MBP: variants seen among roughly 807,000 people sequenced by gnomAD.
MBP encodes the protein myelin basic protein.
MBP carries 16 observed loss-of-function variants against 35.8 expected under a neutral mutation model. The observed-to-expected ratio is 0.45, with a 90% CI of 0.30 to 0.68. The LOEUF is 0.68. Ranked by LOEUF, MBP falls within the 30% of genes least tolerant of loss-of-function variation. The pLI is 0.08. For missense variants in MBP, 380 were observed against 404.7 expected, an observed-to-expected ratio of 0.94 and a Z score of 0.52; for synonymous variants, 143 against 159.6, an observed-to-expected ratio of 0.90 and a Z score of 0.78.
chr18:77,072,103 C>T (rs1974477232), intron 2 of MBP, among the ~76,000 whole-genome samples: 1 of 152,130 alleles, frequency 6.6e-6, no homozygotes, highest in Non-Finnish European at 1.5e-5. Context: ...ACCTACATGC[C>T]AGCTGCTTGG....
intron 3 of MBP, among the ~76,000 whole-genome samples, chr18:77,045,227 A>C (rs1165100613): frequency 6.6e-6 from 1 of 152,228 alleles, no homozygotes; most frequent in Non-Finnish European, 1.5e-5. Context: ...TCTGATCACC[A>C]TGTAAATGTT....
At chr18:77,066,126 G>T in intron 3 of MBP, 172 bp downstream of exon 3, 1 of 616,656 alleles carries the variant, frequency 1.6e-6, no homozygotes, top group Non-Finnish European at 2.9e-6. Flanking sequence ...ACCCCATGAA[G>T]TGTGCGATTA....
intron 3 of MBP, 153 bp from the exon 4 acceptor site, chr18:77,017,421 A>G (rs759733255): frequency 6.5e-5 from 36 of 553,518 alleles, no homozygotes; most frequent in East Asian, 1.6e-4. Flanking sequence ...GATGGAGCTA[A>G]CCTGGATGGA....
At chr18:77,122,636 G>A (rs570223413) in intron 1 of MBP, among the ~76,000 whole-genome samples, 8 of 152,264 alleles carry the variant, frequency 5.3e-5, no homozygotes, top group Admixed American at 3.9e-4. Flanking sequence ...TCCGCCTCCC[G>A]GGTTCAAGCA....
At chr18:77,016,477 A>G (rs1236697842) in intron 4 of MBP, 4 of 1,107,546 alleles carry the variant, frequency 3.6e-6, no homozygotes, top group African/African-American at 1.6e-5. Context: ...AGGCAACATC[A>G]GTCATCAAGT....
intron 2 of MBP, among the ~76,000 whole-genome samples, chr18:77,103,633 G>GC (rs1246904365): frequency 6.6e-6 from 1 of 152,120 alleles, no homozygotes; most frequent in African/African-American, 2.4e-5. Context: ...AGCAAGGGCC[G>GC]CCCCCATACA....
chr18:77,001,000 A>T (rs539062557), intron 4 of MBP, among the ~76,000 whole-genome samples: 1 of 152,346 alleles, frequency 6.6e-6, no homozygotes, highest in African/African-American at 2.4e-5. Flanking sequence ...AAAAGAGTTC[A>T]AGCTCTTAGT....
chr18:77,115,453 T>C (rs1789091), intron 1 of MBP: 93,806 of 151,866 alleles, frequency 0.62, 29,643 homozygotes, highest in South Asian at 0.75. Flanking sequence ...AGGTTCCTAT[T>C]ACGGAGTCCA....
At chr18:77,021,772 C>A (rs770257457) in intron 3 of MBP, among the ~76,000 whole-genome samples, 2 of 152,154 alleles carry the variant, frequency 1.3e-5, no homozygotes, top group Non-Finnish European at 2.9e-5. Context: ...TGTGAGCCAC[C>A]GTGCCCAGCC....
At position 77,004,361 on chromosome 18, in the gene MBP, A is replaced by T. The variant is rs1469821245; in HGVS notation, c.576+12471T>A. The T allele has an allele frequency of 2.0e-5, 3 of 151,714 alleles. No homozygotes were observed. The South Asian group carries it at 6.3e-4, about 32-fold the overall frequency. 9.4% of individuals were successfully genotyped at this position (151,714 alleles called of 1,614,324 possible). ...ACCATGCCTCAGGAGAGTATGTTAGATTTTTTTTTAAAAGCAAGATCAGGG... is the reference window on the plus strand; with the variant it reads ...ACCATGCCTCAGGAGAGTATGTTAGTTTTTTTTTTAAAAGCAAGATCAGGG... On this transcript the variant is annotated intron_variant, in intron 4 of 8. Transcript: ENST00000355994.
chr18:77,001,640 C>A (rs1235272143), intron 4 of MBP, among the ~76,000 whole-genome samples: 1 of 152,196 alleles, frequency 6.6e-6, no homozygotes, highest in Non-Finnish European at 1.5e-5. Flanking sequence ...CACCTGAGAT[C>A]AGGAGTTTGA....
intron 4 of MBP, among the ~76,000 whole-genome samples, chr18:76,994,189 G>A (rs1385057288): frequency 6.6e-6 from 1 of 152,178 alleles, no homozygotes; most frequent in East Asian, 1.9e-4. Flanking sequence ...ACCAGACGAA[G>A]TTACTTATTA....
chr18:77,101,727 C>T lies in MBP; in HGVS notation c.51+3484G>A, dbSNP rs1481349221. On this transcript the variant is annotated intron_variant, in intron 2 of 8. Coordinates refer to ENST00000355994, the MANE Select transcript of MBP (RefSeq NM_001025101.2). This position sits in a 1 kb window ranked among gnomAD's most constrained non-coding sequence, Gnocchi z 4.3. ...TAGTTTCTCTTCCTCTTACATCCTG[C>T]CGTGGCTTATTCGGGATGAGAGAGA... is the stretch of plus-strand genomic sequence containing the variant. Among the ~76,000 whole-genome samples, 3 of 152,144 alleles carry T rather than the reference C, an allele frequency of 2.0e-5. No individual in the cohort carries two copies. Among genetic ancestry groups the T allele is most frequent in the Admixed American group, 6.5e-5 (1 of 15,276 alleles).
chr18:77,092,153 C>T (rs1975553607), intron 2 of MBP, among the ~76,000 whole-genome samples: 1 of 152,260 alleles, frequency 6.6e-6, no homozygotes, highest in Non-Finnish European at 1.5e-5. Context: ...AAACCTGTCT[C>T]TGCACAGCTG....
At chr18:77,100,842 C>T (rs886868676) in intron 2 of MBP, among the ~76,000 whole-genome samples, 7 of 151,990 alleles carry the variant, frequency 4.6e-5, no homozygotes, top group African/African-American at 1.7e-4. Flanking sequence ...TGTGGGCCAC[C>T]GCACCTGGCC....
In MBP at chr18:77,131,901, GA is replaced by G. The variant is rs1236953218; in HGVS notation, c.-26+678del. Among the ~76,000 whole-genome samples the G allele has an allele frequency of 5.3e-5, 8 of 152,194 alleles. No individual in the cohort carries two copies. The East Asian group carries it at 1.6e-3, about 30-fold the overall frequency. On this transcript the variant is annotated intron_variant, in intron 1 of 8. Transcript: ENST00000355994. The surrounding 1 kb of genome is among the most constrained non-coding windows in gnomAD (Gnocchi z 5.5). ...GGTGGGCGCAGCGACGGGCCCGGCC[GA>G]AGAGCCCGAGACAGGCCCTGCGAAG...
intron 3 of MBP, among the ~76,000 whole-genome samples, chr18:77,021,361 A>G (rs1010694659): frequency 6.6e-6 from 1 of 152,266 alleles, no homozygotes; most frequent in African/African-American, 2.4e-5. Flanking sequence ...ACTTTAAATA[A>G]AAATGCAATT....
intron 3 of MBP, among the ~76,000 whole-genome samples, chr18:77,045,054 G>A (rs57447267): frequency 0.025 from 3,759 of 152,122 alleles, 127 homozygotes; most frequent in African/African-American, 0.073. Flanking sequence ...CGATCTTGAT[G>A]TATGATGATG....
chr18:77,014,109 G>A, intron 4 of MBP: 2 of 985,444 alleles, frequency 2.0e-6, no homozygotes, highest in Non-Finnish European at 2.4e-6. Flanking sequence ...TCACAACAAA[G>A]GAGCATGTTC....
Sources: gnomAD v4.1 joint callset for allele counts (sites outside exome capture counted in the v4.1 genomes callset) on GRCh38, gnomAD v4.1.1 for gene constraint, Gnocchi (gnomAD v3.1) non-coding constraint, MANE v1.5 for transcripts, NCBI Gene and HGNC (gene_info 2026-07-23, HGNC 2026-07-21) for gene names.